Variants in TEX15 observed in about 807,000 individuals in gnomAD.
The protein encoded by TEX15 is testis expressed 15, meiosis and synapsis associated.
Under a neutral mutation model 237.3 loss-of-function variants are expected in TEX15, and 171 were observed. The observed-to-expected ratio is 0.72, with a 90% CI of 0.64 to 0.82. The LOEUF is 0.82. Among genes scored for constraint, TEX15 ranks in the 40% least tolerant of loss-of-function variants. The pLI, the probability that TEX15 is intolerant of heterozygous loss-of-function variation, is 0.00. For synonymous variants in TEX15, 1,338 were observed against 1,269.8 expected, an observed-to-expected ratio of 1.05 and a Z score of -1.14; for missense variants, 3,750 against 3,646.5, an observed-to-expected ratio of 1.03 and a Z score of -0.73.
At position 30,847,273 on chromosome 8, in the gene TEX15, G is replaced by A; in HGVS notation, c.2894C>T (p.Ala965Val). ...ENTGRSVEHL[A>V]STTFPKTASS... The stretch of plus-strand genomic sequence containing the variant: ...TGCAGTTTTGGGAAATGTCGTGGAA[G>A]CCAAATGCTCTACACTTCTTCCAGT... Residue 965 changes from alanine to valine, a missense_variant, in exon 8 of 11, where the codon GCT becomes GTT. Ala to Val is a moderately conservative substitution (Grantham distance 64). Transcript: ENST00000643185. The A allele has an allele frequency of 6.2e-7, 1 of 1,613,872 alleles. No homozygotes were observed. Among genetic ancestry groups the A allele is most frequent in the Admixed American group, 1.7e-5 (1 of 59,998 alleles).
At chr8:30,861,268 A>T (rs905522343) in intron 5 of TEX15, among the ~76,000 whole-genome samples, 3 of 152,210 alleles carry the variant, frequency 2.0e-5, no homozygotes, top group Non-Finnish European at 4.4e-5. Flanking sequence ...AACATAGGCC[A>T]ATATTTATTC....
intron 5 of TEX15, among the ~76,000 whole-genome samples, chr8:30,866,380 G>A (rs1284825429): frequency 2.6e-5 from 4 of 151,012 alleles, no homozygotes; most frequent in South Asian, 2.1e-4. Context: ...GGAAGGGGAA[G>A]GGGAAGGGGA....
intron 5 of TEX15, among the ~76,000 whole-genome samples, chr8:30,860,892 C>T (rs1808036900): frequency 6.6e-6 from 1 of 151,660 alleles, no homozygotes; most frequent in Non-Finnish European, 1.5e-5. Context: ...TTAAAATGTA[C>T]TTGGAAGACA....
At chr8:30,880,343 T>G (rs1808492943) in intron 3 of TEX15, among the ~76,000 whole-genome samples, 1 of 152,236 alleles carries the variant, frequency 6.6e-6, no homozygotes, top group African/African-American at 2.4e-5. Context: ...CAAAGTTATT[T>G]TAAATGGTAT....
Position 30,837,608 on chromosome 8 carries a change from C to G in TEX15, c.8676G>C (p.Ser2892=). ...ETDVSLVPDA[S]VLSKPIFCFV... is the part of the protein sequence containing the mutation. ...AACAGAAAATTGGCTTTGAGAGCAC[C>G]GACGCATCAGGCACAAGAGAAACAT... The change falls in exon 10 of 11, where the codon TCG becomes TCC. Residue 2892 remains serine (S), a synonymous_variant. Transcript: ENST00000643185. The G allele has an allele frequency of 1.2e-6, 2 of 1,613,876 alleles. No homozygotes were observed. The highest frequency in any genetic ancestry group is 8.5e-7 in the Non-Finnish European group (1 of 1,179,874).
In TEX15 at chr8:30,844,950, C is replaced by T; in HGVS notation, c.5217G>A (p.Lys1739=). The T allele has an allele frequency of 6.2e-7, 1 of 1,613,510 alleles. No individual in the cohort carries two copies. The highest frequency in any genetic ancestry group is 1.6e-4 in the Middle Eastern group (1 of 6,062). ...AAGAATCTACAGTAAGAATTCTCTG[C>T]TTATCCAAGTAAGATTTTGAAGATT... ...EGESSKSYLD[K]QRILTVDSFA... is the part of the protein sequence containing the mutation. Residue 1739 remains lysine (K), a synonymous_variant, in exon 8 of 11, where the codon AAG becomes AAA. Transcript: ENST00000643185.
At chr8:30,900,992 TA>T (rs1284477419) in intron 1 of TEX15, among the ~76,000 whole-genome samples, 3 of 152,046 alleles carry the variant, frequency 2.0e-5, no homozygotes, top group Non-Finnish European at 4.4e-5. Context: ...ACCAAAAAGT[TA>T]AAAAATTAGC....
chr8:30,846,458 T>G lies in TEX15; in HGVS notation c.3709A>C (p.Ile1237Leu), dbSNP rs757325394. 1 of 1,613,228 alleles carries G rather than the reference T, an allele frequency of 6.2e-7. No individual in the cohort carries two copies. The highest frequency in any genetic ancestry group is 2.2e-5 in the East Asian group (1 of 44,858). Residue 1237 changes from isoleucine to leucine, a missense_variant, in exon 8 of 11, where the codon ATC becomes CTC. Transcript: ENST00000643185. ...CGACTCAAGTCAAAAGAAAGGGAGA[T>G]TTCAGAGTTACTCACTGGCCCTGAT... ...QESGPVSNSEISLSFDLSRNT... is the reference protein window; with the variant it reads ...QESGPVSNSELSLSFDLSRNT...
intron 3 of TEX15, among the ~76,000 whole-genome samples, chr8:30,876,850 G>A (rs1000621330): frequency 2.0e-5 from 3 of 152,172 alleles, no homozygotes; most frequent in Non-Finnish European, 4.4e-5. Flanking sequence ...GAGGGACCCA[G>A]TGGAAGGTAA....
chr8:30,899,387 T>C (rs750688956), intron 1 of TEX15, among the ~76,000 whole-genome samples: 6 of 152,158 alleles, frequency 3.9e-5, no homozygotes, highest in Non-Finnish European at 8.8e-5. Context: ...GGTTTTCAAG[T>C]CCAGGCCTGA....
At chr8:30,852,251 G>A (rs1157077114) in intron 7 of TEX15, among the ~76,000 whole-genome samples, 3 of 151,338 alleles carry the variant, frequency 2.0e-5, no homozygotes, top group Admixed American at 6.6e-5. Context: ...GACTACAGGC[G>A]TCCGCCACCA....
rs761478829 is a variant in TEX15, at chr8:30,846,836, C to T, written c.3331G>A (p.Gly1111Arg). 2.8e-5 allele frequency: 45 copies of T among 1,613,742 alleles called. No individual in the cohort carries two copies. Among genetic ancestry groups the T allele is most frequent in the Middle Eastern group, 1.6e-4 (1 of 6,084 alleles). ...GTGCTTTCCAAAACTTCCATCTCCCCGTTATCAAGTGCTAACAGACCTTCC... is the reference window on the plus strand; with the variant it reads ...GTGCTTTCCAAAACTTCCATCTCCCTGTTATCAAGTGCTAACAGACCTTCC... ...SWEGLLALDN[G>R]EMEVLESTTG... The change falls in exon 8 of 11, where the codon GGG becomes AGG. Residue 1111 changes from glycine to arginine, a missense_variant. Transcript: ENST00000643185.
chr8:30,889,885 T>C (rs930712154), intron 2 of TEX15, among the ~76,000 whole-genome samples: 1 of 145,222 alleles, frequency 6.9e-6, no homozygotes, highest in Non-Finnish European at 1.5e-5. Flanking sequence ...AATTATATCA[T>C]ATGAAATAGT....
intron 6 of TEX15, among the ~76,000 whole-genome samples, chr8:30,859,513 T>C (rs559394802): frequency 2.6e-4 from 39 of 152,254 alleles, no homozygotes; most frequent in South Asian, 2.1e-4. Flanking sequence ...TAAATCAAGG[T>C]AATTAACATG....
rs1250874965 is a variant in TEX15, at chr8:30,843,005, G to A, written c.7162C>T (p.Gln2388Ter). The A allele has an allele frequency of 2.5e-6, 4 of 1,613,282 alleles. No homozygotes were observed. The East Asian group carries it at 8.9e-5, about 36-fold the overall frequency. The change falls in exon 8 of 11, where the codon CAG becomes TAG. Residue 2388 changes from glutamine (Q) to a stop codon, truncating the protein, a stop_gained. Coordinates refer to ENST00000643185, the MANE Select transcript of TEX15 (RefSeq NM_001350162.2). LOFTEE classifies it high-confidence loss of function. ...TCTGTACATCTCAAGGTGAGATCCTGTAATTTTTTAAGGTCTGCAAATTCA... is the reference window on the plus strand; with the variant it reads ...TCTGTACATCTCAAGGTGAGATCCTATAATTTTTTAAGGTCTGCAAATTCA... ...QAEFADLKKL[Q>*]DLTLRCTDHL... is the part of the protein sequence containing the mutation.
chr8:30,836,205 G>GTT (rs33984716), intron 10 of TEX15, among the ~76,000 whole-genome samples: 23,401 of 43,102 alleles, frequency 0.54, 11,197 homozygotes, highest in East Asian at 0.72. Flanking sequence ...TCACTGTATC[G>GTT]TTTTTTTTTT....
At chr8:30,853,896 GA>G (rs1299430863) in intron 7 of TEX15, among the ~76,000 whole-genome samples, 1 of 151,720 alleles carries the variant, frequency 6.6e-6, no homozygotes, top group Non-Finnish European at 1.5e-5. Context: ...AACATGGTCT[GA>G]AAAAAACCAA....
chr8:30,861,238 A>G (rs1808044596), intron 5 of TEX15, among the ~76,000 whole-genome samples: 2 of 152,216 alleles, frequency 1.3e-5, no homozygotes, highest in South Asian at 2.1e-4. Context: ...TAAAAACACA[A>G]TGAAAATACT....
At chr8:30,839,996 T>C in intron 8 of TEX15, 32 bp from the exon 9 acceptor site, 1 of 1,330,824 alleles carries the variant, frequency 7.5e-7, no homozygotes, top group East Asian at 2.4e-5. Context: ...AAAATCTTCA[T>C]TAGTGATGAC....
Sources: allele counts gnomAD v4.1 joint callset (sites outside exome capture counted in the v4.1 genomes callset), GRCh38; gene constraint gnomAD v4.1.1; transcripts MANE v1.5; gene names NCBI Gene and HGNC (gene_info 2026-07-23, HGNC 2026-07-21).